Variants in FLT1 observed in about 807,000 individuals in gnomAD.
FLT1 encodes vascular endothelial growth factor receptor 1.
Under a neutral mutation model 156.3 loss-of-function variants are expected in FLT1, and 49 were observed. The observed-to-expected ratio is 0.31, with a 90% CI of 0.25 to 0.40. FLT1 has a LOEUF of 0.40. FLT1 is among the 10% of genes least tolerant of loss of function. The pLI is 1.00. For missense variants in FLT1, 1,322 were observed against 1,637.2 expected, an observed-to-expected ratio of 0.81 and a Z score of 3.32; for synonymous variants, 594 against 583.8, an observed-to-expected ratio of 1.02 and a Z score of -0.25.
At chr13:28,476,163 A>C (rs58135537) in intron 1 of FLT1, among the ~76,000 whole-genome samples, 30 of 152,330 alleles carry the variant, frequency 2.0e-4, no homozygotes, top group African/African-American at 7.0e-4. Context: ...ACACGCATGC[A>C]TACACTTTTC....
At chr13:28,324,419 T>A (rs569672222) in intron 20 of FLT1, among the ~76,000 whole-genome samples, 2 of 152,154 alleles carry the variant, frequency 1.3e-5, no homozygotes. Flanking sequence ...AGCAGAGCAC[T>A]GGGAGAAAGC....
At chr13:28,342,736 G>A (rs1375039476) in intron 16 of FLT1, among the ~76,000 whole-genome samples, 3 of 152,064 alleles carry the variant, frequency 2.0e-5, no homozygotes, top group African/African-American at 7.2e-5. Flanking sequence ...TATAAAATGG[G>A]AATAATAATA....
chr13:28,341,374 G>A, intron 16 of FLT1, among the ~76,000 whole-genome samples: 1 of 152,170 alleles, frequency 6.6e-6, no homozygotes, highest in Middle Eastern at 3.2e-3. Flanking sequence ...CAAAGCCCAG[G>A]CATGGGGGCT....
intron 12 of FLT1, among the ~76,000 whole-genome samples, chr13:28,394,631 C>T (rs1398961659): frequency 6.6e-6 from 1 of 152,134 alleles, no homozygotes; most frequent in Non-Finnish European, 1.5e-5. Flanking sequence ...TGATGTTCCC[C>T]TTTTCTCTTA....
chr13:28,304,511 T>G (rs1189815776), intron 29 of FLT1, among the ~76,000 whole-genome samples: 1 of 143,830 alleles, frequency 7.0e-6, no homozygotes, highest in African/African-American at 2.6e-5. Flanking sequence ...CTGTCTGGTG[T>G]TTTTTTTTTT....
intron 10 of FLT1, among the ~76,000 whole-genome samples, chr13:28,408,109 T>C (rs1051108280): frequency 2.1e-4 from 32 of 152,248 alleles, no homozygotes; most frequent in Admixed American, 2.0e-3. Context: ...TTTTAGATTG[T>C]ATTCCTTTTC....
Position 28,387,316 on chromosome 13 carries a change from A to G in FLT1, c.1970-2285T>C, listed in dbSNP as rs193167358. On this transcript the variant is annotated intron_variant, in intron 13 of 29. Transcript: ENST00000282397. Reference sequence around the variant, plus strand: ...CTTTTGGCTAGTTTCTAAATGACCAATCAACCCAAGAATCATATTTTGTCA... The same window carrying G: ...CTTTTGGCTAGTTTCTAAATGACCAGTCAACCCAAGAATCATATTTTGTCA... The G allele has an allele frequency of 1.5e-4, 155 of 1,046,052 alleles. 1 individual carries two copies. In the East Asian group the frequency reaches 8.7e-3, roughly 59 times the overall value. 64.8% of individuals were successfully genotyped at this position (1,046,052 alleles called of 1,614,324 possible). A position where few individuals can be genotyped will look rare whatever the true frequency, so the allele number is the denominator to read the frequency against.
At chr13:28,385,565 G>A in intron 13 of FLT1, 2 of 1,013,710 alleles carry the variant, frequency 2.0e-6, no homozygotes, top group Non-Finnish European at 2.4e-6. Context: ...AACTTTGAAA[G>A]CTTTATTGGT....
chr13:28,420,628 T>C (rs886543506), intron 10 of FLT1, among the ~76,000 whole-genome samples: 2 of 152,224 alleles, frequency 1.3e-5, no homozygotes, highest in African/African-American at 4.8e-5. Context: ...ATTTTTATAG[T>C]GTTAAAACTT....
intron 13 of FLT1, chr13:28,389,254 G>A (rs572879161): frequency 1.1e-5 from 12 of 1,141,374 alleles, no homozygotes; most frequent in South Asian, 8.7e-5. Flanking sequence ...CCAGGCAGAA[G>A]TCCGACAGAG....
intron 14 of FLT1, among the ~76,000 whole-genome samples, chr13:28,373,979 C>T (rs1042894446): frequency 6.6e-5 from 10 of 152,030 alleles, no homozygotes; most frequent in East Asian, 3.9e-4. Context: ...AGTACATTTC[C>T]GTGTGTTGCA....
chr13:28,329,906 A>C (rs1036936238), intron 18 of FLT1, among the ~76,000 whole-genome samples, 178 bp from the exon 19 acceptor site: 4 of 152,212 alleles, frequency 2.6e-5, no homozygotes, highest in Non-Finnish European at 5.9e-5. Context: ...CTCCTGAGCC[A>C]ACATCCTTTT....
In FLT1 at chr13:28,334,110, C is replaced by T. The variant is rs536714023; in HGVS notation, c.2508G>A (p.Gly836=). 109 of 1,613,210 alleles carry T rather than the reference C, an allele frequency of 6.8e-5. 1 individual carries two copies. In the South Asian group the frequency reaches 1.2e-3, roughly 17 times the overall value. Residue 836 remains glycine (G), a synonymous_variant, in exon 18 of 30, where the codon GGG becomes GGA. Transcript: ENST00000282397. ...ATGCTTGAACCACTTTTCCAAAAGC[C>T]CCTCTTCCAAGTGATTTGCCTGTAA... The part of the protein sequence containing the change: ...RLKLGKSLGR[G]AFGKVVQASA...
At chr13:28,369,120 T>C (rs1386161471) in intron 14 of FLT1, among the ~76,000 whole-genome samples, 1 of 152,312 alleles carries the variant, frequency 6.6e-6, no homozygotes, top group South Asian at 2.1e-4. Context: ...AGATGTCAGA[T>C]TGACTTTCCA....
At chr13:28,314,986 G>A (rs747677077) in intron 25 of FLT1, among the ~76,000 whole-genome samples, 6 of 152,098 alleles carry the variant, frequency 3.9e-5, no homozygotes, top group African/African-American at 1.2e-4. Context: ...AGTTATTTGC[G>A]ACCACAGCCT....
intron 10 of FLT1, among the ~76,000 whole-genome samples, chr13:28,425,036 T>A (rs1364862636): frequency 6.6e-6 from 1 of 152,330 alleles, no homozygotes; most frequent in Non-Finnish European, 1.5e-5. Flanking sequence ...TATTTTCTGG[T>A]GTACAAAGTT....
At position 28,306,756 on chromosome 13, in the gene FLT1, C is replaced by T. The variant is rs2138807174; in HGVS notation, c.3737G>A (p.Ser1246Asn). ...TSMFDDYQGD[S>N]STLLASPMLK... ...CATGGGAGAGGCCAACAGAGTGCTG[C>T]TGTCGCCCTGGTAGTCCTAGGGGGA... Residue 1246 changes from serine to asparagine, a missense_variant, in exon 29 of 30, where the codon AGC (serine) becomes AAC (asparagine). Transcript: ENST00000282397. The T allele has an allele frequency of 6.2e-7, 1 of 1,613,450 alleles. No homozygotes were observed. The highest frequency in any genetic ancestry group is 8.5e-7 in the Non-Finnish European group (1 of 1,179,438).
rs1367352831 is a variant in FLT1, at chr13:28,376,414, A to C, written c.2116+8471T>G. Among the ~76,000 whole-genome samples, 4 of 152,242 alleles carry C rather than the reference A, an allele frequency of 2.6e-5. No individual in the cohort carries two copies. The South Asian group carries it at 8.3e-4, about 32-fold the overall frequency. On this transcript the variant is annotated intron_variant, in intron 14 of 29. Transcript: ENST00000282397. ...ATTCTAAAAATGTTTTGCTATCATA[A>C]AAATTTAGCTTAAATAATAGTTTGA...
intron 3 of FLT1, among the ~76,000 whole-genome samples, chr13:28,464,648 C>A (rs1879754666): frequency 6.6e-6 from 1 of 152,250 alleles, no homozygotes; most frequent in South Asian, 2.1e-4. Context: ...ATTTGACACT[C>A]AAAGTCATGA....
Sources: allele counts gnomAD v4.1 joint callset (sites outside exome capture counted in the v4.1 genomes callset), GRCh38; gene constraint gnomAD v4.1.1; transcripts MANE v1.5; gene names NCBI Gene and HGNC (gene_info 2026-07-23, HGNC 2026-07-21).